The following NCOA2 variants were observed in gnomAD, a reference collection of about 807,000 sequenced individuals.
NCOA2 encodes nuclear receptor coactivator 2.
In NCOA2, 21 loss-of-function variants were observed where a neutral mutation model predicts 145.1. The observed-to-expected ratio is 0.14, with a 90% CI of 0.10 to 0.21. The LOEUF is 0.21. NCOA2 is among the 10% of genes least tolerant of loss of function. NCOA2 has a pLI of 1.00. For missense variants in NCOA2, 1,472 were observed against 1,837.6 expected, an observed-to-expected ratio of 0.80 and a Z score of 3.64; for synonymous variants, 619 against 637.5, an observed-to-expected ratio of 0.97 and a Z score of 0.44.
At chr8:70,272,523 T>G (rs1825128699) in intron 2 of NCOA2, among the ~76,000 whole-genome samples, 2 of 152,216 alleles carry the variant, frequency 1.3e-5, no homozygotes, top group South Asian at 4.1e-4. Context: ...TTTTTTTTCT[T>G]ACCCCACAGC....
chr8:70,411,911 A>G, the NCOA2 span, among the ~76,000 whole-genome samples: 1 of 152,198 alleles, frequency 6.6e-6, no homozygotes, highest in Admixed American at 6.5e-5. Flanking sequence ...GGTTACATGG[A>G]CATGTTGATT....
At chr8:70,177,829 T>C (rs544736047) in intron 4 of NCOA2, among the ~76,000 whole-genome samples, 1 of 152,274 alleles carries the variant, frequency 6.6e-6, no homozygotes, top group South Asian at 2.1e-4. Flanking sequence ...CTATCGCTGA[T>C]CACTAGAAAA....
intron 2 of NCOA2, among the ~76,000 whole-genome samples, chr8:70,249,661 A>T (rs1401606580): frequency 6.6e-6 from 1 of 152,118 alleles, no homozygotes; most frequent in Admixed American, 6.5e-5. Flanking sequence ...AAGAAACAGT[A>T]TCTGTATATC....
chr8:70,225,200 G>T (rs1018638832), intron 2 of NCOA2, among the ~76,000 whole-genome samples: 1 of 152,104 alleles, frequency 6.6e-6, no homozygotes, highest in Non-Finnish European at 1.5e-5. Flanking sequence ...AGAGGGTGGG[G>T]AATAGTAAAA....
intron 1 of NCOA2, among the ~76,000 whole-genome samples, chr8:70,403,310 C>A (rs901397428): frequency 1.3e-5 from 2 of 151,364 alleles, no homozygotes; most frequent in African/African-American, 4.8e-5. Context: ...GCGCCCGCAC[C>A]CCCGGCCGCG....
intron 1 of NCOA2, among the ~76,000 whole-genome samples, chr8:70,348,384 G>T (rs995292441): frequency 6.6e-6 from 1 of 152,168 alleles, no homozygotes; most frequent in Non-Finnish European, 1.5e-5. Flanking sequence ...TGGAAGACCT[G>T]GAAAAGCTAA....
At chr8:70,346,382 T>C (rs1000404818) in intron 1 of NCOA2, among the ~76,000 whole-genome samples, 1 of 152,184 alleles carries the variant, frequency 6.6e-6, no homozygotes, top group Non-Finnish European at 1.5e-5. Context: ...ATATCCCTAT[T>C]GACAGAGATA....
At chr8:70,303,145 T>A (rs1176969087) in intron 1 of NCOA2, among the ~76,000 whole-genome samples, 2 of 152,300 alleles carry the variant, frequency 1.3e-5, no homozygotes, top group African/African-American at 2.4e-5. Flanking sequence ...TGGAAAAGGA[T>A]GAAAGATACT....
At chr8:70,352,649 A>T (rs1157400943) in intron 1 of NCOA2, among the ~76,000 whole-genome samples, 2 of 152,234 alleles carry the variant, frequency 1.3e-5, no homozygotes, top group African/African-American at 4.8e-5. Flanking sequence ...CATGTAGTTA[A>T]GAAATACATT....
At position 70,138,322 on chromosome 8, in the gene NCOA2, T is replaced by A. The variant is rs377408628; in HGVS notation, c.3039A>T (p.Glu1013Asp). 147 of 1,609,322 alleles carry A rather than the reference T, an allele frequency of 9.1e-5. No individual in the cohort carries two copies. Among genetic ancestry groups the A allele is most frequent in the Non-Finnish European group, 1.2e-4 (143 of 1,178,324 alleles). Residue 1013 changes from glutamate (E) to aspartate (D), a missense_variant, in exon 15 of 23, where the codon GAA (glutamate) becomes GAT (aspartate). By Grantham distance (45) the Glu-to-Asp change is conservative. Around this residue, in one of 4 missense-constraint regions of NCOA2, gnomAD observed 953 missense variants for 1,062.1 expected, o/e 0.90. Transcript: ENST00000452400. ...GAGGTCCCCCCATGTTCATCTCTAA[T>A]TCAGATGGCCCTAGAAAGGGAGAAG... is the stretch of plus-strand genomic sequence containing the variant. ...QSQVMNIGPS[E>D]LEMNMGGPQY...
chr8:70,250,784 T>A (rs1823101512), intron 2 of NCOA2, among the ~76,000 whole-genome samples: 1 of 152,194 alleles, frequency 6.6e-6, no homozygotes, highest in South Asian at 2.1e-4. Flanking sequence ...GAAGGTGACA[T>A]GTTTAACAAG....
rs1203485105 is a variant in NCOA2, at chr8:70,141,269, A to C, written c.2943T>G (p.Ile981Met). ...AMNRPVQGGM[I>M]RNPAASIPMR... ...TGGGGATGCTGGCTGCTGGGTTCCG[A>C]ATCATACCTCCTTGGACTGGCCGGT... Residue 981 changes from isoleucine to methionine, a missense_variant, in exon 14 of 23, where the codon ATT (isoleucine) becomes ATG (methionine). Physicochemically the swap from Ile to Met is conservative, Grantham distance 10. This residue lies in a region of NCOA2 where 953 missense variants were observed against 1,062.1 expected (regional missense o/e 0.90). Transcript: ENST00000452400. 1 of 1,613,892 alleles carries C rather than the reference A, an allele frequency of 6.2e-7. No homozygotes were observed. Among genetic ancestry groups the C allele is most frequent in the Non-Finnish European group, 8.5e-7 (1 of 1,179,874 alleles).
At chr8:70,333,301 G>A (rs904977494) in intron 1 of NCOA2, among the ~76,000 whole-genome samples, 2 of 152,116 alleles carry the variant, frequency 1.3e-5, no homozygotes, top group African/African-American at 4.8e-5. Context: ...CTATTACACC[G>A]ATGGGTACCT....
At chr8:70,448,146 A>G in the NCOA2 span, among the ~76,000 whole-genome samples, 1 of 152,122 alleles carries the variant, frequency 6.6e-6, no homozygotes, top group Admixed American at 6.6e-5. Context: ...AAGGGATAAA[A>G]TGGAGGCTAA....
the NCOA2 span, among the ~76,000 whole-genome samples, chr8:70,436,774 A>G: frequency 6.6e-6 from 1 of 152,364 alleles, no homozygotes; most frequent in African/African-American, 2.4e-5. Context: ...TAAACTCACA[A>G]CCCTGACACT....
intron 1 of NCOA2, among the ~76,000 whole-genome samples, chr8:70,321,645 G>A (rs932942276): frequency 4.0e-5 from 6 of 151,880 alleles, no homozygotes; most frequent in African/African-American, 1.4e-4. Flanking sequence ...GACACCCTTC[G>A]CCACACAAGA....
chr8:70,131,517 G>A (rs1035802110), intron 16 of NCOA2, among the ~76,000 whole-genome samples: 1 of 152,208 alleles, frequency 6.6e-6, no homozygotes, highest in African/African-American at 2.4e-5. Flanking sequence ...GCAATGTGCT[G>A]TTTGTGGTTT....
intron 1 of NCOA2, among the ~76,000 whole-genome samples, chr8:70,301,085 C>G (rs527558020): frequency 6.6e-6 from 1 of 152,260 alleles, no homozygotes; most frequent in Admixed American, 6.5e-5. Context: ...TAGGCTGTTA[C>G]AGAAGGTCAC....
At chr8:70,381,156 T>C (rs892083144) in intron 1 of NCOA2, among the ~76,000 whole-genome samples, 2 of 152,068 alleles carry the variant, frequency 1.3e-5, no homozygotes, top group Non-Finnish European at 2.9e-5. Flanking sequence ...GATAAAGGTA[T>C]AGATGACCGG....
Sources: allele counts gnomAD v4.1 joint callset (sites outside exome capture counted in the v4.1 genomes callset), GRCh38; gene constraint gnomAD v4.1.1; regional missense constraint gnomAD v4.1.1; transcripts MANE v1.5; gene names NCBI Gene and HGNC (gene_info 2026-07-23, HGNC 2026-07-21).